Variants in KCNAB1 observed in about 807,000 individuals in gnomAD.
KCNAB1 encodes the protein voltage-gated potassium channel subunit beta-1.
A neutral mutation model predicts 64.6 loss-of-function variants in KCNAB1; 35 were observed. That is an observed-to-expected ratio of 0.54 (90% CI 0.41 to 0.72). The LOEUF (loss-of-function observed/expected upper bound fraction) is 0.72, where lower values mean the gene tolerates loss of function less well. KCNAB1 is among the 30% of genes least tolerant of loss of function. KCNAB1 has a pLI of 0.00. For missense variants in KCNAB1, 401 were observed against 512.9 expected (o/e 0.78, Z 2.11); for synonymous variants, 177 against 183.8 (o/e 0.96, Z 0.30).
intron 1 of KCNAB1, among the ~76,000 whole-genome samples, chr3:156,177,599 G>T (rs1421253060): frequency 6.6e-6 from 1 of 151,354 alleles, no homozygotes; most frequent in Non-Finnish European, 1.5e-5. Context: ...GGATGGTCTC[G>T]ATCTCCTGAC....
intron 1 of KCNAB1, among the ~76,000 whole-genome samples, chr3:156,396,262 G>T (rs1713457753): frequency 6.6e-6 from 1 of 152,152 alleles, no homozygotes; most frequent in African/African-American, 2.4e-5. Flanking sequence ...GGTAGGTAGA[G>T]CTAGCTCAGA....
intron 1 of KCNAB1, among the ~76,000 whole-genome samples, chr3:156,144,047 T>C (rs1291629016): frequency 6.6e-6 from 1 of 152,140 alleles, no homozygotes; most frequent in East Asian, 1.9e-4. Context: ...TTTCTTGGTA[T>C]AGGGTTGGAT....
At chr3:156,377,193 A>G (rs1711742407) in intron 1 of KCNAB1, among the ~76,000 whole-genome samples, 2 of 152,120 alleles carry the variant, frequency 1.3e-5, no homozygotes, top group Non-Finnish European at 1.5e-5. Context: ...CTCAGGAGGC[A>G]TTCTCTTCGC....
intron 1 of KCNAB1, among the ~76,000 whole-genome samples, chr3:156,395,334 A>G (rs1713350214): frequency 6.7e-6 from 1 of 149,440 alleles, no homozygotes; most frequent in Non-Finnish European, 1.5e-5. Context: ...TCACGAGGTC[A>G]GGAGATCGAG....
At chr3:156,414,734 G>T (rs112400177) in intron 1 of KCNAB1, among the ~76,000 whole-genome samples, 3 of 152,136 alleles carry the variant, frequency 2.0e-5, no homozygotes, top group Admixed American at 6.5e-5. Context: ...GACTTTTTGA[G>T]TTACTGATGT....
chr3:156,312,703 C>CA (rs397991453), intron 1 of KCNAB1, among the ~76,000 whole-genome samples: 7,116 of 27,330 alleles, frequency 0.26, 2,140 homozygotes, highest in Non-Finnish European at 0.38. Flanking sequence ...AGACTGTCTC[C>CA]AAAAAAAAAA....
At chr3:156,358,495 C>G (rs1163009232) in intron 1 of KCNAB1, among the ~76,000 whole-genome samples, 2 of 152,174 alleles carry the variant, frequency 1.3e-5, no homozygotes, top group Non-Finnish European at 2.9e-5. Context: ...TTCTAGTCTC[C>G]TCCCTCATCT....
intron 1 of KCNAB1, among the ~76,000 whole-genome samples, chr3:156,239,396 G>A (rs1274696632): frequency 6.6e-6 from 1 of 152,204 alleles, no homozygotes. Flanking sequence ...GTTCACAGGA[G>A]CTTCTTAGCA....
At position 156,354,142 on chromosome 3, in the gene KCNAB1, A is replaced by ATG. The variant is rs1203123180; in HGVS notation, c.276-67470_276-67469dup. Among the ~76,000 whole-genome samples, 415 of 123,140 alleles carry ATG rather than the reference A, an allele frequency of 3.4e-3. 2 individuals are homozygous for ATG. The highest frequency in any genetic ancestry group is 4.3e-3 in the Non-Finnish European group (238 of 54,878). The allele number at this position is 123,140 out of a possible 152,430, so 80.8% of individuals were successfully genotyped here. A position where few individuals can be genotyped will look rare whatever the true frequency, so the allele number is the denominator to read the frequency against. On this transcript the variant is annotated intron_variant, in intron 1 of 13. Transcript: ENST00000490337. The stretch of plus-strand genomic sequence containing the variant: ...TGTGTATATATATATATATATATAT[A>ATG]TGTGTATATATATATATGTATATAT...
intron 8 of KCNAB1, among the ~76,000 whole-genome samples, chr3:156,492,514 G>A (rs1715704307): frequency 6.6e-6 from 1 of 152,020 alleles, no homozygotes; most frequent in South Asian, 2.1e-4. Flanking sequence ...CCAATCCTCA[G>A]TTGTTCCAGC....
intron 1 of KCNAB1, among the ~76,000 whole-genome samples, chr3:156,248,613 T>A (rs1717614946): frequency 6.6e-6 from 1 of 151,816 alleles, no homozygotes; most frequent in Non-Finnish European, 1.5e-5. Flanking sequence ...AGAGAGATAA[T>A]ACCTAATTCA....
intron 1 of KCNAB1, among the ~76,000 whole-genome samples, chr3:156,316,611 C>G (rs192871147): frequency 3.9e-5 from 6 of 152,296 alleles, no homozygotes; most frequent in African/African-American, 1.4e-4. Flanking sequence ...CAACAAAGGA[C>G]AGTAAAGCAT....
chr3:156,342,607 T>TTA (rs1491576570), intron 1 of KCNAB1, among the ~76,000 whole-genome samples: 1 of 92,222 alleles, frequency 1.1e-5, no homozygotes, highest in East Asian at 2.8e-4. Flanking sequence ...TTTTTTTTTT[T>TTA]AATTTTTTTT....
intron 2 of KCNAB1, among the ~76,000 whole-genome samples, chr3:156,436,581 G>A (rs1716597455): frequency 6.6e-6 from 1 of 152,118 alleles, no homozygotes; most frequent in African/African-American, 2.4e-5. Context: ...AGCATCTGTT[G>A]TTTCTTGACT....
chr3:156,465,806 A>G lies in KCNAB1; in HGVS notation c.571+120A>G, dbSNP rs1713324694. On this transcript the variant is annotated intron_variant, in intron 7 of 13. Coordinates refer to ENST00000490337, the MANE Select transcript of KCNAB1 (RefSeq NM_172160.3). ...AAAGTTCTATATGAAAAGTGCCACA[A>G]TCAACCAAGTTTCTTCTTGGGGTTA... The G allele has an allele frequency of 3.8e-6, 3 of 786,140 alleles. No individual in the cohort carries two copies. In the South Asian group the frequency reaches 4.6e-5, roughly 12 times the overall value. 48.7% of individuals were successfully genotyped at this position (786,140 alleles called of 1,614,324 possible). A position where few individuals can be genotyped will look rare whatever the true frequency, so the allele number is the denominator to read the frequency against.
At chr3:156,166,537 A>G (rs1711573559) in intron 1 of KCNAB1, among the ~76,000 whole-genome samples, 1 of 151,058 alleles carries the variant, frequency 6.6e-6, no homozygotes, top group Admixed American at 6.6e-5. Flanking sequence ...ATATACACAC[A>G]CACACACACA....
At chr3:156,264,642 C>A (rs1405537313) in intron 1 of KCNAB1, among the ~76,000 whole-genome samples, 1 of 151,974 alleles carries the variant, frequency 6.6e-6, no homozygotes. Context: ...AACTTCGCTC[C>A]AATATACTTC....
rs146845446 is a variant in KCNAB1, at chr3:156,242,419, C to T, written c.275+121533C>T. On this transcript the variant is annotated intron_variant, in intron 1 of 13. Coordinates refer to ENST00000490337, the MANE Select transcript of KCNAB1 (RefSeq NM_172160.3). ...CCAGCAGTACACACTGAACCCAATT[C>T]GTAGTCTTTTATCCCCCACCCGCTT... Among the ~76,000 whole-genome samples, 11 of 152,220 alleles carry T rather than the reference C, an allele frequency of 7.2e-5. No individual in the cohort carries two copies. The East Asian group carries it at 9.7e-4, about 13-fold the overall frequency.
At chr3:156,140,202 T>C (rs1160987354) in intron 1 of KCNAB1, among the ~76,000 whole-genome samples, 2 of 152,224 alleles carry the variant, frequency 1.3e-5, no homozygotes, top group African/African-American at 4.8e-5. Context: ...ATAACATTCT[T>C]CATTTTTATT....
Sources: gnomAD v4.1 joint callset for allele counts (sites outside exome capture counted in the v4.1 genomes callset) on GRCh38, gnomAD v4.1.1 for gene constraint, MANE v1.5 for transcripts, NCBI Gene and HGNC (gene_info 2026-07-23, HGNC 2026-07-21) for gene names.